DGKG: variants seen among roughly 807,000 people sequenced by gnomAD.
The protein encoded by DGKG is DAG kinase gamma.
A neutral mutation model predicts 105.3 loss-of-function variants in DGKG; 78 were observed. That is an observed-to-expected ratio of 0.74 (90% CI 0.62 to 0.89). DGKG has a LOEUF of 0.89. Ranked by LOEUF, DGKG falls within the 40% of genes least tolerant of loss-of-function variation. DGKG has a pLI of 0.00. For synonymous variants in DGKG, 346 were observed against 367.1 expected (o/e 0.94, Z 0.66); for missense variants, 958 against 1,020.1 (o/e 0.94, Z 0.83).
At chr3:186,298,542 T>C (rs1456834666) in intron 3 of DGKG, among the ~76,000 whole-genome samples, 1 of 152,126 alleles carries the variant, frequency 6.6e-6, no homozygotes, top group Admixed American at 6.5e-5. Context: ...AAGGGACATG[T>C]TGGAGAGTGA....
At position 186,353,913 on chromosome 3, in the gene DGKG, C is replaced by T. The variant is rs555063447; in HGVS notation, c.-249+8033G>A. 2.2e-4 allele frequency among the ~76,000 whole-genome samples: 34 copies of T among 152,218 alleles called. No homozygotes were observed. In the South Asian group the frequency reaches 7.1e-3, roughly 32 times the overall value. On this transcript the variant is annotated intron_variant, in intron 1 of 24. Coordinates refer to ENST00000265022, the MANE Select transcript of DGKG (RefSeq NM_001346.3). The stretch of plus-strand genomic sequence containing the variant: ...GTGTGGTCTTTGGGGCACCATGGGA[C>T]TTTTTCCCCTATAGGAACATATGGC...
chr3:186,244,565 G>A lies in DGKG; in HGVS notation c.1762-1997C>T, dbSNP rs186364042. 1.2e-3 allele frequency among the ~76,000 whole-genome samples: 183 copies of A among 151,708 alleles called. 2 individuals carry two copies. The highest frequency in any genetic ancestry group is 3.6e-3 in the African/African-American group (151 of 41,372). Reference sequence around the variant, plus strand: ...GATTACAGGCATCCGCCACCATGTCGGGCTAATTTTTTGTATTTTTAGTAG... The same window carrying A: ...GATTACAGGCATCCGCCACCATGTCAGGCTAATTTTTTGTATTTTTAGTAG... On this transcript the variant is annotated intron_variant, in intron 19 of 24. Coordinates refer to ENST00000265022, the MANE Select transcript of DGKG (RefSeq NM_001346.3).
rs1553811123 is a variant in DGKG at position 186,273,367 on chromosome 3, C to CCTTTTTTTTTTTTTT, written c.911-1025_911-1024insAAAAAAAAAAAAAAG. 3.5e-5 allele frequency among the ~76,000 whole-genome samples: 3 copies of CCTTTTTTTTTTTTTT among 85,598 alleles called. 1 individual carries two copies. The highest frequency in any genetic ancestry group is 1.2e-4 in the African/African-American group (3 of 25,318). 56.2% of individuals were successfully genotyped at this position (85,598 alleles called of 152,430 possible). A position where few individuals can be genotyped will look rare whatever the true frequency, so the allele number is the denominator to read the frequency against. Reference sequence around the variant, plus strand: ...TGGCGCTGGGGAGACTGTTGTACCCCTTTTTTTTTTTTTTTTTTTTTTTTT... The same window carrying CCTTTTTTTTTTTTTT: ...TGGCGCTGGGGAGACTGTTGTACCCCCTTTTTTTTTTTTTTTTTTTTTTTTTTTTTTTTTTTTTTT... On this transcript the variant is annotated intron_variant, in intron 10 of 24. Transcript: ENST00000265022.
At chr3:186,170,711 A>G (rs574106171) in intron 22 of DGKG, among the ~76,000 whole-genome samples, 1 of 152,312 alleles carries the variant, frequency 6.6e-6, no homozygotes, top group South Asian at 2.1e-4. Context: ...CCCAAAATAC[A>G]TTAGTTTCAC....
intron 17 of DGKG, among the ~76,000 whole-genome samples, chr3:186,254,196 C>T (rs554724233): frequency 1.3e-5 from 2 of 152,168 alleles, no homozygotes; most frequent in East Asian, 3.9e-4. Context: ...GCATGGTGCC[C>T]CTGGATGTGA....
At chr3:186,309,271 G>T (rs549426490) in intron 2 of DGKG, among the ~76,000 whole-genome samples, 1 of 151,926 alleles carries the variant, frequency 6.6e-6, no homozygotes, top group African/African-American at 2.4e-5. Flanking sequence ...GGGTATTCTC[G>T]GAAGAGACCA....
intron 2 of DGKG, among the ~76,000 whole-genome samples, chr3:186,310,279 AAAAAAAAAAAC>A (rs1724469325): frequency 6.7e-6 from 1 of 149,034 alleles, no homozygotes; most frequent in Admixed American, 6.7e-5. Flanking sequence ...AAAAAAAAAA[AAAAAAAAAAAC>A]CACACACACA....
At chr3:186,205,109 T>C (rs1256497184) in intron 21 of DGKG, among the ~76,000 whole-genome samples, 3 of 151,464 alleles carry the variant, frequency 2.0e-5, no homozygotes. Context: ...ATATAAAAAT[T>C]AACTGGACAT....
In DGKG at chr3:186,251,919, C is replaced by A; in HGVS notation, c.1601G>T (p.Gly534Val). The change falls in exon 19 of 25, where the codon GGT (glycine) becomes GTT (valine). Residue 534 changes from glycine to valine, a missense_variant and splice_region_variant. Physicochemically the swap from Gly to Val is moderately radical, Grantham distance 109. Coordinates refer to ENST00000265022, the MANE Select transcript of DGKG (RefSeq NM_001346.3). The stretch of plus-strand genomic sequence containing the variant: ...TTTTGTCAAGCTGCCCCCTTCATAA[C>A]CTGTGGAGGACAGCACTGCATTTGC... ...DLARCLRWGGGYEGGSLTKIL... is the reference protein window; with the variant it reads ...DLARCLRWGGVYEGGSLTKIL... The A allele has an allele frequency of 6.4e-7, 1 of 1,572,618 alleles. No individual in the cohort carries two copies. The highest frequency in any genetic ancestry group is 1.2e-5 in the South Asian group (1 of 83,796).
At chr3:186,299,841 T>TTCTTTC (rs1723827570) in intron 3 of DGKG, among the ~76,000 whole-genome samples, 3 of 74,614 alleles carry the variant, frequency 4.0e-5, no homozygotes, top group African/African-American at 1.2e-4. Flanking sequence ...TTCTTTCTTT[T>TTCTTTC]TTTTTTTTTT....
chr3:186,298,978 G>A (rs1723733802), intron 3 of DGKG, among the ~76,000 whole-genome samples: 1 of 152,194 alleles, frequency 6.6e-6, no homozygotes, highest in South Asian at 2.1e-4. Context: ...CAAGAGATGT[G>A]CCAAAAACTA....
intron 21 of DGKG, among the ~76,000 whole-genome samples, chr3:186,202,755 A>G (rs1268635378): frequency 6.6e-6 from 1 of 152,242 alleles, no homozygotes; most frequent in Admixed American, 6.5e-5. Context: ...CTGACCCAAC[A>G]TGCTGAATCA....
chr3:186,345,821 G>T (rs570849221), intron 1 of DGKG, among the ~76,000 whole-genome samples: 3 of 152,194 alleles, frequency 2.0e-5, no homozygotes, highest in South Asian at 4.1e-4. Context: ...CCAGGCTGGA[G>T]TGCAGTGGCG....
rs140430605 is a variant in DGKG, at chr3:186,281,892, A to G, written c.595-1148T>C. Among the ~76,000 whole-genome samples the G allele has an allele frequency of 7.1e-3, 1,082 of 152,314 alleles. 3 individuals carry two copies. Among genetic ancestry groups the G allele is most frequent in the Non-Finnish European group, 0.011 (752 of 68,022 alleles). ...CCCCTGAGGTCTTCCTGGTCAGGCC[A>G]CATTTGGATACTTAAAGAATCATAG... On this transcript the variant is annotated intron_variant, in intron 7 of 24. Coordinates refer to ENST00000265022, the MANE Select transcript of DGKG (RefSeq NM_001346.3).
intron 19 of DGKG, 37 bp downstream of exon 19, chr3:186,251,722 C>T: frequency 6.2e-7 from 1 of 1,612,990 alleles, no homozygotes; most frequent in Non-Finnish European, 8.5e-7. Context: ...CTGGGCGTTT[C>T]CCTTCCATAC....
At chr3:186,212,465 G>T (rs2108521148) in intron 20 of DGKG, among the ~76,000 whole-genome samples, 1 of 152,262 alleles carries the variant, frequency 6.6e-6, no homozygotes, top group African/African-American at 2.4e-5. Flanking sequence ...AAGAAGAGTT[G>T]ATTGGTAGCA....
chr3:186,239,591 A>AC (rs1720577258), intron 20 of DGKG, among the ~76,000 whole-genome samples: 1 of 152,242 alleles, frequency 6.6e-6, no homozygotes, highest in Non-Finnish European at 1.5e-5. Context: ...GACATGGGCG[A>AC]ATAGGCAGGG....
chr3:186,273,043 G>A (rs1322103107), intron 10 of DGKG, among the ~76,000 whole-genome samples: 1 of 152,132 alleles, frequency 6.6e-6, no homozygotes, highest in African/African-American at 2.4e-5. Context: ...TTGAAGGCTA[G>A]GCAGGCCCCC....
intron 17 of DGKG, among the ~76,000 whole-genome samples, chr3:186,257,329 C>T (rs35913284): frequency 0.097 from 14,725 of 152,292 alleles, 778 homozygotes; most frequent in Middle Eastern, 0.16. Context: ...AGAACTCAGG[C>T]TACCAGCCTT....
Sources: gnomAD v4.1 joint callset for allele counts (sites outside exome capture counted in the v4.1 genomes callset) on GRCh38, gnomAD v4.1.1 for gene constraint, MANE v1.5 for transcripts, NCBI Gene and HGNC (gene_info 2026-07-23, HGNC 2026-07-21) for gene names.